ALG6: variants seen among roughly 807,000 people sequenced by gnomAD.
ALG6 encodes dolichyl pyrophosphate Man9GlcNAc2 alpha-1,3-glucosyltransferase.
Under a neutral mutation model 66.6 loss-of-function variants are expected in ALG6, and 46 were observed. The observed-to-expected ratio is 0.69, with a 90% CI of 0.55 to 0.88. ALG6 has a LOEUF of 0.88. Ranked by LOEUF, ALG6 falls within the 40% of genes least tolerant of loss-of-function variation. The pLI is 0.00. For synonymous variants in ALG6, 185 were observed against 203.7 expected, an observed-to-expected ratio of 0.91 and a Z score of 0.78; for missense variants, 505 against 586.8, an observed-to-expected ratio of 0.86 and a Z score of 1.44.
In ALG6 at chr1:63,400,295, ACGTATATATATG is replaced by A. The variant is rs1644454011; in HGVS notation, c.168-1958_168-1947del. On this transcript the variant is annotated intron_variant, in intron 3 of 14. Coordinates refer to ENST00000263440, the MANE Select transcript of ALG6 (RefSeq NM_013339.4). Reference sequence around the variant, plus strand: ...TATATATATATACGTATATATATATACGTATATATATGTATATATATATACGTATATATATAT... The same window carrying A: ...TATATATATATACGTATATATATATATATATATATATACGTATATATATAT... 8.8e-4 allele frequency among the ~76,000 whole-genome samples: 12 copies of A among 13,572 alleles called. 1 individual carries two copies. The highest frequency in any genetic ancestry group is 0.01 in the East Asian group (2 of 200). The allele number at this position is 13,572 out of a possible 152,430, so 8.9% of individuals were successfully genotyped here.
chr1:63,414,029 C>G (rs1644529482), intron 9 of ALG6, 32 bp from the exon 10 acceptor site: 1 of 1,496,960 alleles, frequency 6.7e-7, no homozygotes, highest in Admixed American at 1.7e-5. Flanking sequence ...TTCAATTATA[C>G]CAGAATGTAA....
At chr1:63,396,336 C>T (rs1420823874) in intron 2 of ALG6, among the ~76,000 whole-genome samples, 177 bp from the exon 3 acceptor site, 1 of 152,024 alleles carries the variant, frequency 6.6e-6, no homozygotes. Flanking sequence ...AGCGTCACTC[C>T]AGCAGTGTGC....
chr1:63,414,123 A>G lies in ALG6; in HGVS notation c.879A>G (p.Pro293=), dbSNP rs2100423371. 1 of 1,612,058 alleles carries G rather than the reference A, an allele frequency of 6.2e-7. No homozygotes were observed. Among genetic ancestry groups the G allele is most frequent in the Middle Eastern group, 1.7e-4 (1 of 6,050 alleles). Reference sequence around the variant, plus strand: ...TTCTGAAGATTAAGGATATTTTGCCACGTCACATCCAATTAATAATGAGGT... The same window carrying G: ...TTCTGAAGATTAAGGATATTTTGCCGCGTCACATCCAATTAATAATGAGGT... The part of the protein sequence containing the change: ...NVFLKIKDIL[P]RHIQLIMSFC... The change falls in exon 10 of 15, where the codon CCA becomes CCG. Residue 293 remains proline, a synonymous_variant. Coordinates refer to ENST00000263440, the MANE Select transcript of ALG6 (RefSeq NM_013339.4).
intron 2 of ALG6, among the ~76,000 whole-genome samples, chr1:63,383,298 T>C (rs968068861): frequency 6.6e-6 from 1 of 151,612 alleles, no homozygotes; most frequent in African/African-American, 2.4e-5. Context: ...ATTTTTTTTG[T>C]ATTTTTAGTA....
intron 9 of ALG6, among the ~76,000 whole-genome samples, chr1:63,413,386 C>G (rs1644525982): frequency 1.3e-5 from 2 of 152,178 alleles, no homozygotes; most frequent in Admixed American, 1.3e-4. Flanking sequence ...TTGCCAGTCT[C>G]TTCCATTCAC....
intron 3 of ALG6, 108 bp downstream of exon 3, chr1:63,396,705 C>A: frequency 1.0e-6 from 1 of 976,864 alleles, no homozygotes; most frequent in Non-Finnish European, 1.6e-6. Flanking sequence ...ATCCTCATCT[C>A]TTGCATGCTG....
intron 12 of ALG6, 161 bp from the exon 13 acceptor site, chr1:63,428,572 G>T (rs913784609): frequency 8.6e-6 from 5 of 583,396 alleles, no homozygotes; most frequent in Non-Finnish European, 1.5e-5. Flanking sequence ...ATTTAGTCTG[G>T]ACTGTTAACA....
chr1:63,409,615 C>G lies in ALG6; in HGVS notation c.495-1531C>G, dbSNP rs1478978671. On this transcript the variant is annotated intron_variant, in intron 7 of 14. Coordinates refer to ENST00000263440, the MANE Select transcript of ALG6 (RefSeq NM_013339.4). ...TTTGTTTTTTTGGTAAAGTTCACTA[C>G]TGTTCCCTGAGTGATTTTAATTCTT... Among the ~76,000 whole-genome samples, 4 of 152,248 alleles carry G rather than the reference C, an allele frequency of 2.6e-5. No individual in the cohort carries two copies. In the East Asian group the frequency reaches 7.7e-4, roughly 29 times the overall value.
At chr1:63,391,543 G>A (rs1648673059) in intron 2 of ALG6, among the ~76,000 whole-genome samples, 2 of 152,168 alleles carry the variant, frequency 1.3e-5, no homozygotes, top group South Asian at 4.1e-4. Flanking sequence ...TGCTTCAGGG[G>A]ATGGTCAGTT....
chr1:63,433,231 G>A lies in ALG6; in HGVS notation c.1327-3592G>A, dbSNP rs948185992. On this transcript the variant is annotated intron_variant, in intron 14 of 14. Transcript: ENST00000263440. The surrounding 1 kb of genome is among the most constrained non-coding windows in gnomAD (Gnocchi z 4.2). ...GCTGGGATTACAGGCGTGAGCTACCGCGCCCAGCCCAACAGGCTATACTTA... is the reference window on the plus strand; with the variant it reads ...GCTGGGATTACAGGCGTGAGCTACCACGCCCAGCCCAACAGGCTATACTTA... Among the ~76,000 whole-genome samples, 5 of 152,314 alleles carry A rather than the reference G, an allele frequency of 3.3e-5. No homozygotes were observed. Among genetic ancestry groups the A allele is most frequent in the African/African-American group, 4.8e-5 (2 of 41,574 alleles).
chr1:63,419,380 C>T lies in ALG6; in HGVS notation c.998C>T (p.Ala333Val), dbSNP rs121908443. The stretch of plus-strand genomic sequence containing the variant: ...CCTTTTTTCTTAAAGGTTAGCTGTG[C>T]GCTATCATTCTTTTTATTTTCTTTC... The part of the protein sequence containing the change: ...KGFKFTLVSC[A>V]LSFFLFSFQV... The change falls in exon 12 of 15, where the codon GCG (alanine) becomes GTG (valine). Residue 333 changes from alanine (A) to valine (V), a missense_variant. By Grantham distance (64) the Ala-to-Val change is moderately conservative (BLOSUM62 0). Coordinates refer to ENST00000263440, the MANE Select transcript of ALG6 (RefSeq NM_013339.4). 6.1e-5 allele frequency: 98 copies of T among 1,608,452 alleles called. No homozygotes were observed. The highest frequency in any genetic ancestry group is 7.4e-5 in the Non-Finnish European group (87 of 1,177,232).
chr1:63,405,080 C>T (rs1236686668), intron 5 of ALG6, among the ~76,000 whole-genome samples: 1 of 152,094 alleles, frequency 6.6e-6, no homozygotes, highest in African/African-American at 2.4e-5. Context: ...TCTTTAAGAG[C>T]TTTACATGAC....
intron 2 of ALG6, among the ~76,000 whole-genome samples, chr1:63,386,315 A>G (rs1474820758): frequency 6.6e-6 from 1 of 151,836 alleles, no homozygotes; most frequent in East Asian, 1.9e-4. Context: ...TGTTGTTATT[A>G]GGAGTACTGG....
At chr1:63,407,832 A>C (rs1644497460) in intron 7 of ALG6, among the ~76,000 whole-genome samples, 1 of 152,136 alleles carries the variant, frequency 6.6e-6, no homozygotes, top group African/African-American at 2.4e-5. Context: ...ATATCTGTCA[A>C]AGGACTTACA....
chr1:63,422,167 C>CGA (rs1644579265), intron 12 of ALG6, among the ~76,000 whole-genome samples: 1 of 67,300 alleles, frequency 1.5e-5, no homozygotes, highest in Non-Finnish European at 2.9e-5. Context: ...ATATATATAA[C>CGA]TATGAATTTA....
At chr1:63,432,207 T>A (rs1459109014) in intron 14 of ALG6, among the ~76,000 whole-genome samples, 2 of 151,930 alleles carry the variant, frequency 1.3e-5, no homozygotes, top group African/African-American at 4.8e-5. Flanking sequence ...GTTTTTCTCA[T>A]GAAAAAATGC....
chr1:63,392,257 G>A (rs1648695774), intron 2 of ALG6, among the ~76,000 whole-genome samples: 1 of 151,202 alleles, frequency 6.6e-6, no homozygotes, highest in Non-Finnish European at 1.5e-5. Context: ...TGCAACCTCT[G>A]CCTCCCAGGT....
intron 1 of ALG6, among the ~76,000 whole-genome samples, chr1:63,367,907 C>A (rs1570022644): frequency 6.6e-6 from 1 of 152,144 alleles, no homozygotes; most frequent in African/African-American, 2.4e-5. Flanking sequence ...CAGGCTGGGG[C>A]GGTCCTGGCA....
Position 63,400,323 on chromosome 1 carries a change from ATATATATATATACG to A in ALG6, c.168-1919_168-1906del, listed in dbSNP as rs1314283285. ...TATATATATGTATATATATATACGT[ATATATATATATACG>A]TATATATATATGTATATATATATGT... On this transcript the variant is annotated intron_variant, in intron 3 of 14. Transcript: ENST00000263440. 5.7e-4 allele frequency among the ~76,000 whole-genome samples: 19 copies of A among 33,602 alleles called. 3 individuals are homozygous for A. Among genetic ancestry groups the A allele is most frequent in the South Asian group, 4.9e-3 (3 of 618 alleles). 22.0% of individuals were successfully genotyped at this position (33,602 alleles called of 152,430 possible).
Sources: gnomAD v4.1 joint callset for allele counts (sites outside exome capture counted in the v4.1 genomes callset) on GRCh38, gnomAD v4.1.1 for gene constraint, Gnocchi (gnomAD v3.1) non-coding constraint, MANE v1.5 for transcripts, NCBI Gene and HGNC (gene_info 2026-07-23, HGNC 2026-07-21) for gene names.